The following INPP4B variants were observed in gnomAD, a reference collection of about 807,000 sequenced individuals.
INPP4B encodes inositol polyphosphate 4-phosphatase type II.
A neutral mutation model predicts 122.5 loss-of-function variants in INPP4B; 55 were observed. The observed-to-expected ratio is 0.45, with a 90% CI of 0.36 to 0.56. The LOEUF (loss-of-function observed/expected upper bound fraction) is 0.56. INPP4B is among the 20% of genes least tolerant of loss of function. The pLI is 0.00. For missense variants in INPP4B, 1,000 were observed against 1,097.7 expected (o/e 0.91, Z 1.26); for synonymous variants, 403 against 388.7 (o/e 1.04, Z -0.43).
chr4:142,745,548 T>C (rs1038198056), intron 1 of INPP4B, among the ~76,000 whole-genome samples: 6 of 151,906 alleles, frequency 3.9e-5, no homozygotes, highest in Admixed American at 1.3e-4. Flanking sequence ...ACCTAACATA[T>C]TTACTATCTG....
chr4:142,431,132 T>C (rs765753631), intron 4 of INPP4B, 37 bp downstream of exon 4: 9 of 1,490,256 alleles, frequency 6.0e-6, no homozygotes, highest in Non-Finnish European at 8.4e-6. Flanking sequence ...TTTGCATCTT[T>C]AGATGCAAAA....
intron 18 of INPP4B, among the ~76,000 whole-genome samples, chr4:142,139,388 C>A (rs533072856): frequency 1.3e-5 from 2 of 152,236 alleles, no homozygotes; most frequent in South Asian, 2.1e-4. Flanking sequence ...CTCACTGCAA[C>A]CTCCACCTCC....
intron 2 of INPP4B, among the ~76,000 whole-genome samples, chr4:142,720,635 T>C (rs7376475): frequency 6.9e-6 from 1 of 144,316 alleles, no homozygotes; most frequent in Non-Finnish European, 1.5e-5. Flanking sequence ...TTATTGTCTG[T>C]TTTTTTTTCC....
At chr4:142,072,277 A>C (rs1444440813) in intron 25 of INPP4B, among the ~76,000 whole-genome samples, 2 of 151,506 alleles carry the variant, frequency 1.3e-5, no homozygotes, top group Non-Finnish European at 2.9e-5. Flanking sequence ...GTAGGTGAGA[A>C]TTGAACAATG....
At chr4:142,185,461 A>G (rs1246974658) in intron 15 of INPP4B, among the ~76,000 whole-genome samples, 1 of 151,762 alleles carries the variant, frequency 6.6e-6, no homozygotes, top group Non-Finnish European at 1.5e-5. Flanking sequence ...ATAATATCCA[A>G]ACTCAGTACT....
intron 9 of INPP4B, among the ~76,000 whole-genome samples, chr4:142,282,509 A>T (rs1447335780): frequency 6.6e-6 from 1 of 152,176 alleles, no homozygotes; most frequent in Non-Finnish European, 1.5e-5. Flanking sequence ...GGGCCTAACA[A>T]GGTTGAAATC....
intron 7 of INPP4B, among the ~76,000 whole-genome samples, chr4:142,382,579 T>TA (rs1794517020): frequency 9.1e-5 from 9 of 99,336 alleles, no homozygotes; most frequent in African/African-American, 4.9e-4. Flanking sequence ...ATATTATATA[T>TA]TATATATATA....
chr4:142,136,398 A>G (rs1436003004), intron 18 of INPP4B, among the ~76,000 whole-genome samples: 1 of 152,242 alleles, frequency 6.6e-6, no homozygotes, highest in East Asian at 1.9e-4. Context: ...GAATTTCAGG[A>G]TGGCAACTCA....
chr4:142,665,783 G>C (rs145052500), intron 2 of INPP4B, among the ~76,000 whole-genome samples: 7 of 151,986 alleles, frequency 4.6e-5, no homozygotes, highest in Non-Finnish European at 8.8e-5. Flanking sequence ...TACTTCTTTT[G>C]CTTGATAAAT....
intron 2 of INPP4B, among the ~76,000 whole-genome samples, chr4:142,557,249 T>C (rs921256461): frequency 1.3e-5 from 2 of 152,064 alleles, no homozygotes; most frequent in Admixed American, 6.6e-5. Context: ...AAAGAATGGA[T>C]AAAAATTGAA....
chr4:142,833,785 A>G (rs2151190680), intron 1 of INPP4B, among the ~76,000 whole-genome samples: 2 of 152,282 alleles, frequency 1.3e-5, no homozygotes, highest in African/African-American at 2.4e-5. Context: ...TAATGCTAGA[A>G]TGTGCAAAGC....
chr4:142,501,664 A>G (rs925909609), intron 2 of INPP4B, among the ~76,000 whole-genome samples: 1 of 152,128 alleles, frequency 6.6e-6, no homozygotes, highest in Non-Finnish European at 1.5e-5. Flanking sequence ...ACAATTAAAT[A>G]ATAGAGAGAA....
chr4:142,484,008 G>T (rs1285868974), intron 2 of INPP4B, among the ~76,000 whole-genome samples: 1 of 151,864 alleles, frequency 6.6e-6, no homozygotes, highest in South Asian at 2.1e-4. Flanking sequence ...TTCCTGTCCT[G>T]GGATATCATG....
At chr4:142,042,522 GTATGTATGTATGTATGTA>G (rs776946888) in intron 25 of INPP4B, among the ~76,000 whole-genome samples, 5 of 36,900 alleles carry the variant, frequency 1.4e-4, no homozygotes, top group Admixed American at 3.0e-4. Context: ...GTGTGTGTAT[GTATGTATGTATGTATGTA>G]TGTATGTATG....
intron 2 of INPP4B, among the ~76,000 whole-genome samples, chr4:142,519,719 C>G (rs1240658966): frequency 6.6e-6 from 1 of 152,064 alleles, no homozygotes; most frequent in Admixed American, 6.6e-5. Flanking sequence ...AGCACATAAT[C>G]TATTATTCAT....
intron 9 of INPP4B, among the ~76,000 whole-genome samples, chr4:142,297,124 TA>T (rs1339735573): frequency 6.6e-6 from 1 of 152,224 alleles, no homozygotes; most frequent in Non-Finnish European, 1.5e-5. Context: ...CTTTTATTGC[TA>T]AAGTTTTTAG....
chr4:142,647,250 A>G (rs994828433), intron 2 of INPP4B, among the ~76,000 whole-genome samples: 1 of 152,196 alleles, frequency 6.6e-6, no homozygotes, highest in South Asian at 2.1e-4. Flanking sequence ...AGGGTAGAGC[A>G]GGGCCTACTG....
intron 1 of INPP4B, among the ~76,000 whole-genome samples, chr4:142,792,543 T>C (rs1008348452): frequency 6.6e-6 from 1 of 152,044 alleles, no homozygotes; most frequent in East Asian, 1.9e-4. Flanking sequence ...CCCAAGGTCT[T>C]TTTCTTAGCT....
chr4:142,321,637 T>A (rs1770074627), intron 7 of INPP4B, among the ~76,000 whole-genome samples: 1 of 152,216 alleles, frequency 6.6e-6, no homozygotes, highest in Non-Finnish European at 1.5e-5. Context: ...AGTTTCATTC[T>A]TTTACATGTG....
Sources: gnomAD v4.1 joint callset for allele counts (sites outside exome capture counted in the v4.1 genomes callset) on GRCh38, gnomAD v4.1.1 for gene constraint, MANE v1.5 for transcripts, NCBI Gene and HGNC (gene_info 2026-07-23, HGNC 2026-07-21) for gene names.